Variants in JMJD1C observed in about 807,000 individuals in gnomAD.
The protein encoded by JMJD1C is jumonji domain containing 1C, also known as jumonji domain-containing protein 1C.
A neutral mutation model predicts 245.3 loss-of-function variants in JMJD1C; 31 were observed. That is an observed-to-expected ratio of 0.13 (90% CI 0.09 to 0.17). The LOEUF (loss-of-function observed/expected upper bound fraction) is 0.17, where lower values mean the gene tolerates loss of function less well. Ranked by LOEUF, JMJD1C falls within the 10% of genes least tolerant of loss-of-function variation. The pLI is 1.00. For synonymous variants in JMJD1C, 1,057 were observed against 1,017.4 expected, an observed-to-expected ratio of 1.04 and a Z score of -0.74; for missense variants, 2,691 against 3,000.2, an observed-to-expected ratio of 0.90 and a Z score of 2.41.
chr10:63,254,857 C>G (rs1016539592), intron 3 of JMJD1C, among the ~76,000 whole-genome samples: 1 of 148,032 alleles, frequency 6.8e-6, no homozygotes, highest in African/African-American at 2.5e-5. Flanking sequence ...ATAGCTCCCC[C>G]CCTTTTTTTT....
intron 3 of JMJD1C, among the ~76,000 whole-genome samples, chr10:63,252,312 C>A (rs1174859314): frequency 6.6e-6 from 1 of 152,126 alleles, no homozygotes; most frequent in Non-Finnish European, 1.5e-5. Flanking sequence ...CCAGATGTTG[C>A]TCTGGAAGTA....
chr10:63,184,881 G>C (rs1287289764), intron 20 of JMJD1C, 143 bp from the exon 21 acceptor site: 2 of 698,994 alleles, frequency 2.9e-6, no homozygotes, highest in Non-Finnish European at 4.6e-6. Flanking sequence ...AAGTGATACT[G>C]ACTAAAATAG....
chr10:63,392,742 T>C (rs994873342), intron 1 of JMJD1C, among the ~76,000 whole-genome samples: 1 of 149,702 alleles, frequency 6.7e-6, no homozygotes, highest in Non-Finnish European at 1.5e-5. Flanking sequence ...AGAGAACTGC[T>C]TGAACACGGG....
At chr10:63,348,576 GATA>G (rs1237083079) in intron 2 of JMJD1C, among the ~76,000 whole-genome samples, 4 of 152,130 alleles carry the variant, frequency 2.6e-5, no homozygotes, top group Admixed American at 6.5e-5. Flanking sequence ...GCAAAATGGA[GATA>G]ATAAGGATGT....
At chr10:63,273,494 C>G (rs1393548940) in intron 2 of JMJD1C, among the ~76,000 whole-genome samples, 5 of 152,198 alleles carry the variant, frequency 3.3e-5, no homozygotes, top group African/African-American at 1.2e-4. Context: ...GCTTTTACTT[C>G]AAGTCTCCTT....
At chr10:63,244,943 C>G (rs1449969302) in intron 3 of JMJD1C, among the ~76,000 whole-genome samples, 2 of 151,824 alleles carry the variant, frequency 1.3e-5, no homozygotes, top group Non-Finnish European at 2.9e-5. Flanking sequence ...TCGAGACCAG[C>G]CTGACCAACA....
intron 2 of JMJD1C, among the ~76,000 whole-genome samples, chr10:63,354,563 C>T (rs917587285): frequency 2.0e-5 from 3 of 151,970 alleles, no homozygotes; most frequent in Non-Finnish European, 2.9e-5. Flanking sequence ...TTTACATAAA[C>T]TTGTATATTT....
chr10:63,210,695 T>C (rs763175879), intron 8 of JMJD1C, among the ~76,000 whole-genome samples: 1 of 151,898 alleles, frequency 6.6e-6, no homozygotes, highest in Non-Finnish European at 1.5e-5. Flanking sequence ...GACGTGAGAG[T>C]GAAGGGTCAG....
At chr10:63,181,456 G>T (rs1843466006) in intron 22 of JMJD1C, among the ~76,000 whole-genome samples, 4 of 152,110 alleles carry the variant, frequency 2.6e-5, no homozygotes. Flanking sequence ...ACAGAAGTTT[G>T]CCAGGAAGAC....
At chr10:63,183,729 A>C (rs1187505062) in intron 21 of JMJD1C, among the ~76,000 whole-genome samples, 160 bp from the exon 22 acceptor site, 1 of 152,224 alleles carries the variant, frequency 6.6e-6, no homozygotes, top group East Asian at 1.9e-4. Context: ...AATCTATAAA[A>C]GACCCTATTA....
chr10:63,275,328 C>T (rs1226659441), intron 2 of JMJD1C, among the ~76,000 whole-genome samples: 2 of 152,076 alleles, frequency 1.3e-5, no homozygotes, highest in Non-Finnish European at 2.9e-5. Flanking sequence ...AAACTTTGAA[C>T]GCTGAATGGA....
intron 1 of JMJD1C, among the ~76,000 whole-genome samples, chr10:63,443,859 C>T (rs1050652502): frequency 2.6e-5 from 4 of 152,208 alleles, no homozygotes; most frequent in Non-Finnish European, 4.4e-5. Context: ...TCTATCACCC[C>T]TATCACTCGG....
intron 3 of JMJD1C, among the ~76,000 whole-genome samples, chr10:63,247,314 C>T (rs1852347249): frequency 1.3e-5 from 2 of 151,976 alleles, no homozygotes; most frequent in Non-Finnish European, 1.5e-5. Context: ...CTATCAACAA[C>T]TATACAAGCT....
At chr10:63,410,010 A>G (rs547150241) in intron 1 of JMJD1C, among the ~76,000 whole-genome samples, 1 of 152,256 alleles carries the variant, frequency 6.6e-6, no homozygotes, top group East Asian at 1.9e-4. Flanking sequence ...GAAGTAATAA[A>G]TATATATTTG....
intron 2 of JMJD1C, among the ~76,000 whole-genome samples, chr10:63,378,772 A>G (rs1433261882): frequency 1.3e-5 from 2 of 152,164 alleles, no homozygotes; most frequent in Non-Finnish European, 2.9e-5. Context: ...TTTTTGGGTT[A>G]AGGTCTATAA....
At chr10:63,289,099 G>C (rs866244449) in intron 2 of JMJD1C, among the ~76,000 whole-genome samples, 6 of 151,800 alleles carry the variant, frequency 4.0e-5, no homozygotes, top group Non-Finnish European at 7.4e-5. Flanking sequence ...GGGTCTTTTC[G>C]TTGCCTGGCC....
intron 3 of JMJD1C, among the ~76,000 whole-genome samples, chr10:63,242,502 A>G (rs937776558): frequency 3.9e-5 from 6 of 152,182 alleles, no homozygotes; most frequent in African/African-American, 1.4e-4. Flanking sequence ...TGGGTGGATC[A>G]TCTGAGGTCA....
intron 3 of JMJD1C, among the ~76,000 whole-genome samples, chr10:63,257,898 G>GTT (rs988901903): frequency 4.6e-4 from 70 of 152,260 alleles, no homozygotes; most frequent in African/African-American, 1.7e-3. Flanking sequence ...GTTATATTGA[G>GTT]AGTTGAAAAA....
chr10:63,202,602 C>T (rs1340798800), intron 10 of JMJD1C: 1 of 985,318 alleles, frequency 1.0e-6, no homozygotes, highest in Non-Finnish European at 1.2e-6. Flanking sequence ...TTTACAATTA[C>T]ATGCTTTCCC....
Sources: gnomAD v4.1 joint callset for allele counts (sites outside exome capture counted in the v4.1 genomes callset) on GRCh38, gnomAD v4.1.1 for gene constraint, MANE v1.5 for transcripts, NCBI Gene and HGNC (gene_info 2026-07-23, HGNC 2026-07-21) for gene names.